Variants in NEBL observed in about 807,000 individuals in gnomAD.
NEBL encodes nebulette, also known as LIM and SH3 protein 2.
Under a neutral mutation model 140.2 loss-of-function variants are expected in NEBL, and 122 were observed. The observed-to-expected ratio is 0.87, with a 90% CI of 0.75 to 1.01. NEBL has a LOEUF of 1.01. NEBL is among the 50% of genes least tolerant of loss of function. The pLI, the probability that NEBL is intolerant of heterozygous loss-of-function variation, is 0.00. For synonymous variants in NEBL, 436 were observed against 398.9 expected (o/e 1.09, Z -1.11); for missense variants, 1,365 against 1,231.3 (o/e 1.11, Z -1.62).
chr10:20,891,807 TCA>T (rs1021927907), intron 2 of NEBL, among the ~76,000 whole-genome samples: 4 of 152,116 alleles, frequency 2.6e-5, no homozygotes, highest in African/African-American at 7.2e-5. Context: ...TTGTTAGAAG[TCA>T]CACACAATCA....
intron 3 of NEBL, among the ~76,000 whole-genome samples, chr10:20,996,761 G>A (rs1483168129): frequency 1.3e-5 from 2 of 152,142 alleles, no homozygotes; most frequent in Non-Finnish European, 2.9e-5. Context: ...AAGTTTTACA[G>A]GGATATTTTT....
intron 2 of NEBL, among the ~76,000 whole-genome samples, chr10:21,139,177 G>C (rs1839500043): frequency 6.6e-6 from 1 of 152,086 alleles, no homozygotes; most frequent in African/African-American, 2.4e-5. Context: ...AGCACTAGTG[G>C]AACTTTTTCT....
At chr10:21,196,818 C>T (rs184695997) in intron 3 of NEBL, among the ~76,000 whole-genome samples, 184 of 152,340 alleles carry the variant, frequency 1.2e-3, no homozygotes, top group African/African-American at 4.0e-3. Context: ...CACTTTGACC[C>T]AGTCTATGTC....
intron 2 of NEBL, among the ~76,000 whole-genome samples, chr10:21,155,143 G>A (rs1840290865): frequency 6.6e-6 from 1 of 152,162 alleles, no homozygotes; most frequent in Non-Finnish European, 1.5e-5. Flanking sequence ...AGGTTGCAGT[G>A]AGCTGAGATC....
At chr10:20,980,879 T>C (rs996780717) in intron 3 of NEBL, among the ~76,000 whole-genome samples, 1 of 152,244 alleles carries the variant, frequency 6.6e-6, no homozygotes, top group Non-Finnish European at 1.5e-5. Flanking sequence ...GGCAAGAATT[T>C]AATATTCTTC....
At chr10:21,122,722 G>A (rs182640056) in intron 2 of NEBL, among the ~76,000 whole-genome samples, 227 of 152,184 alleles carry the variant, frequency 1.5e-3, no homozygotes, top group Middle Eastern at 3.4e-3. Flanking sequence ...TCTGGGTAGC[G>A]GATCCAGAAG....
chr10:20,879,823 A>G lies in NEBL; in HGVS notation c.480+971T>C, dbSNP rs538679078. ...CCTGGAGAGAAGTCAGGATGAGGAG[A>G]TTTTAAAAAAAAGCTTTCCCTACAA... is the stretch of plus-strand genomic sequence containing the variant. On this transcript the variant is annotated intron_variant, in intron 5 of 27. Transcript: ENST00000377122. Among the ~76,000 whole-genome samples the G allele has an allele frequency of 1.3e-3, 198 of 151,822 alleles. 1 individual carries two copies. Among genetic ancestry groups the G allele is most frequent in the African/African-American group, 4.6e-3 (189 of 41,418 alleles).
chr10:20,793,300 T>A, intron 26 of NEBL: 1 of 923,116 alleles, frequency 1.1e-6, no homozygotes, highest in Non-Finnish European at 1.3e-6. Context: ...GCTCAAGCTT[T>A]GGGAATCATT....
upstream of NEBL, among the ~76,000 whole-genome samples, chr10:21,175,599 C>A (rs928835506): frequency 6.6e-6 from 1 of 152,224 alleles, no homozygotes; most frequent in African/African-American, 2.4e-5. Flanking sequence ...CATAATAATG[C>A]TGTACTGTTT....
At chr10:20,859,671 T>A in intron 8 of NEBL, 42 bp downstream of exon 8, 11 of 1,306,266 alleles carry the variant, frequency 8.4e-6, no homozygotes, top group Non-Finnish European at 1.2e-5. Context: ...AAAACAAGAA[T>A]CAAAAGATTT....
intron 17 of NEBL, among the ~76,000 whole-genome samples, chr10:20,827,698 T>A (rs540788436): frequency 6.6e-6 from 1 of 152,202 alleles, no homozygotes; most frequent in East Asian, 1.9e-4. Flanking sequence ...ATAGACTGGA[T>A]AAAGAAAATG....
At chr10:21,208,522 A>G (rs993530334) in intron 3 of NEBL, among the ~76,000 whole-genome samples, 5 of 152,148 alleles carry the variant, frequency 3.3e-5, no homozygotes, top group Non-Finnish European at 5.9e-5. Context: ...AATTAATTTT[A>G]TAAAGTTTAT....
chr10:20,819,356 A>G (rs1180991043), intron 20 of NEBL, 68 bp downstream of exon 20: 9 of 1,609,650 alleles, frequency 5.6e-6, no homozygotes, highest in Admixed American at 5.0e-5. Flanking sequence ...TGGCCTTCCA[A>G]AGGGCATATT....
chr10:20,821,404 G>A (rs1839299571), intron 19 of NEBL, among the ~76,000 whole-genome samples: 1 of 152,084 alleles, frequency 6.6e-6, no homozygotes. Flanking sequence ...CCAGGATCCA[G>A]GGTTCATGTT....
At chr10:20,950,675 T>C (rs570470766) in intron 4 of NEBL, among the ~76,000 whole-genome samples, 2 of 152,342 alleles carry the variant, frequency 1.3e-5, no homozygotes, top group East Asian at 1.9e-4. Flanking sequence ...TTCTGTCTTA[T>C]ACTTTACAGT....
intron 1 of NEBL, among the ~76,000 whole-genome samples, chr10:21,273,572 C>T (rs1268964771): frequency 6.6e-6 from 1 of 151,324 alleles, no homozygotes; most frequent in African/African-American, 2.4e-5. Context: ...CAGTCCCTCC[C>T]TATCTACACC....
In NEBL at chr10:20,940,262, G is replaced by A. The variant is rs201296063; in HGVS notation, c.357+21410C>T. Among the ~76,000 whole-genome samples, 3 of 151,772 alleles carry A rather than the reference G, an allele frequency of 2.0e-5. No homozygotes were observed. The East Asian group carries it at 5.8e-4, about 29-fold the overall frequency. On this transcript the variant is annotated intron_variant, in intron 4 of 6. Transcript: ENST00000417816. ...CTCAGACCACAGTGCAATCAAACTA[G>A]AACTCAGGATTAAGAAACTCAATCA...
chr10:20,814,826 T>C (rs1001589088), intron 22 of NEBL, among the ~76,000 whole-genome samples: 5 of 152,230 alleles, frequency 3.3e-5, no homozygotes, highest in African/African-American at 1.2e-4. Context: ...ACAAATTTAG[T>C]TGTTCTTCTA....
At chr10:21,237,788 A>ATCTCTAT (rs1207228333) in intron 3 of NEBL, among the ~76,000 whole-genome samples, 1 of 149,426 alleles carries the variant, frequency 6.7e-6, no homozygotes, top group Non-Finnish European at 1.5e-5. Flanking sequence ...TGTATTTTTA[A>ATCTCTAT]TAGAGACTGG....
Sources: allele counts gnomAD v4.1 joint callset (sites outside exome capture counted in the v4.1 genomes callset), GRCh38; gene constraint gnomAD v4.1.1; transcripts MANE v1.5; gene names NCBI Gene and HGNC (gene_info 2026-07-23, HGNC 2026-07-21).